The following ARHGAP15 variants were observed in gnomAD, a reference collection of about 807,000 sequenced individuals.
ARHGAP15 encodes Rho GTPase activating protein 15, also known as rho GTPase-activating protein 15.
ARHGAP15 carries 51 observed loss-of-function variants against 63.7 expected under a neutral mutation model. That is an observed-to-expected ratio of 0.80 (90% CI 0.64 to 1.01). ARHGAP15 has a LOEUF of 1.01. Ranked by LOEUF, ARHGAP15 falls within the 50% of genes least tolerant of loss-of-function variation. The pLI is 0.00. For synonymous variants in ARHGAP15, 191 were observed against 193.8 expected (o/e 0.99, Z 0.12); for missense variants, 560 against 564.6 (o/e 0.99, Z 0.08).
intron 8 of ARHGAP15, among the ~76,000 whole-genome samples, chr2:143,464,341 A>G (rs1300485374): frequency 1.3e-5 from 2 of 152,194 alleles, no homozygotes; most frequent in Admixed American, 6.6e-5. Flanking sequence ...ATAACTTGAT[A>G]GAAATAAAGA....
At chr2:143,358,759 T>A (rs1199737706) in intron 6 of ARHGAP15, among the ~76,000 whole-genome samples, 2 of 151,886 alleles carry the variant, frequency 1.3e-5, no homozygotes, top group East Asian at 3.9e-4. Flanking sequence ...TTGATTTTTC[T>A]ATATAGGATA....
intron 13 of ARHGAP15, 31 bp downstream of exon 13, chr2:143,703,555 T>C (rs756422036): frequency 1.5e-5 from 23 of 1,521,614 alleles, no homozygotes; most frequent in Non-Finnish European, 2.0e-5. Flanking sequence ...GATGTGTCAT[T>C]TTATAGTCAT....
At chr2:143,756,852 A>G (rs1686596508) in intron 13 of ARHGAP15, among the ~76,000 whole-genome samples, 2 of 152,168 alleles carry the variant, frequency 1.3e-5, no homozygotes, top group Non-Finnish European at 2.9e-5. Flanking sequence ...AAATCAAAAT[A>G]TGTCACCCAA....
At chr2:143,296,395 A>G (rs1682633536) in intron 6 of ARHGAP15, among the ~76,000 whole-genome samples, 2 of 152,074 alleles carry the variant, frequency 1.3e-5, no homozygotes, top group Admixed American at 6.6e-5. Flanking sequence ...TCATAAGCAT[A>G]TTGCTAGGTG....
chr2:143,281,288 A>T (rs1370628604), intron 6 of ARHGAP15, among the ~76,000 whole-genome samples: 1 of 152,182 alleles, frequency 6.6e-6, no homozygotes, highest in Non-Finnish European at 1.5e-5. Flanking sequence ...AAATATATAC[A>T]TAGGAAGGAC....
At chr2:143,724,051 ATGTGTGTGTG>A (rs70982882) in intron 13 of ARHGAP15, among the ~76,000 whole-genome samples, 2 of 149,858 alleles carry the variant, frequency 1.3e-5, no homozygotes, top group Admixed American at 1.3e-4. Context: ...ATCCACCTTC[ATGTGTGTGTG>A]TGTGTGTGTG....
intron 6 of ARHGAP15, among the ~76,000 whole-genome samples, chr2:143,362,620 A>C (rs1036404378): frequency 2.6e-5 from 4 of 152,234 alleles, no homozygotes; most frequent in African/African-American, 9.6e-5. Context: ...TGGATGTTTA[A>C]TATGCATCTT....
chr2:143,145,668 TGA>T (rs1344590637), intron 1 of ARHGAP15, among the ~76,000 whole-genome samples: 1 of 152,044 alleles, frequency 6.6e-6, no homozygotes, highest in Non-Finnish European at 1.5e-5. Flanking sequence ...ACCTAGATTG[TGA>T]CCACAGATCT....
chr2:143,252,484 T>C (rs1400286866), intron 6 of ARHGAP15, among the ~76,000 whole-genome samples: 1 of 152,074 alleles, frequency 6.6e-6, no homozygotes, highest in Non-Finnish European at 1.5e-5. Context: ...TAGTTTTGTT[T>C]GTAATGTAAT....
rs1298557114 is a variant in ARHGAP15 at position 143,407,322 on chromosome 2, T to A, written c.475-28279T>A. Among the ~76,000 whole-genome samples the A allele has an allele frequency of 2.0e-5, 3 of 151,866 alleles. No homozygotes were observed. In the East Asian group the frequency reaches 5.8e-4, roughly 29 times the overall value. On this transcript the variant is annotated intron_variant, in intron 6 of 13. Coordinates refer to ENST00000295095, the MANE Select transcript of ARHGAP15 (RefSeq NM_018460.4). ...TATAACCCATTCATATTTTTTAAGA[T>A]GAAGTGTTTAATATTTCTGTGATTT...
intron 11 of ARHGAP15, among the ~76,000 whole-genome samples, chr2:143,570,171 T>A (rs1696394548): frequency 6.6e-6 from 1 of 152,192 alleles, no homozygotes; most frequent in African/African-American, 2.4e-5. Context: ...AAGTAATCTA[T>A]TGTAATATAA....
chr2:143,311,959 CT>C (rs200224585), intron 6 of ARHGAP15, among the ~76,000 whole-genome samples: 5 of 151,910 alleles, frequency 3.3e-5, no homozygotes, highest in African/African-American at 9.7e-5. Flanking sequence ...GTGGGCCTTC[CT>C]TTTTTTTCCC....
At chr2:143,319,923 T>C (rs1683929210) in intron 6 of ARHGAP15, among the ~76,000 whole-genome samples, 1 of 152,188 alleles carries the variant, frequency 6.6e-6, no homozygotes, top group South Asian at 2.1e-4. Context: ...AAAATGTAAA[T>C]GGTCTTCAAC....
chr2:143,718,279 A>T (rs2105456486), intron 13 of ARHGAP15, among the ~76,000 whole-genome samples: 1 of 152,326 alleles, frequency 6.6e-6, no homozygotes, highest in Admixed American at 6.5e-5. Flanking sequence ...TTGAAGCAGT[A>T]CATAACTAGA....
At chr2:143,701,992 T>A (rs2105419406) in intron 12 of ARHGAP15, among the ~76,000 whole-genome samples, 1 of 152,302 alleles carries the variant, frequency 6.6e-6, no homozygotes, top group Non-Finnish European at 1.5e-5. Context: ...CCAGACTTGG[T>A]CCCATGGCCA....
At chr2:143,492,368 C>T (rs1180402035) in intron 9 of ARHGAP15, among the ~76,000 whole-genome samples, 1 of 152,160 alleles carries the variant, frequency 6.6e-6, no homozygotes, top group African/African-American at 2.4e-5. Context: ...CCTCTCATCT[C>T]CTCTGCCTCT....
At chr2:143,583,810 A>G (rs2105151083) in intron 11 of ARHGAP15, among the ~76,000 whole-genome samples, 1 of 152,306 alleles carries the variant, frequency 6.6e-6, no homozygotes, top group African/African-American at 2.4e-5. Context: ...TATTTGAACC[A>G]ATTACCAAAG....
chr2:143,413,517 A>G (rs982618437), intron 6 of ARHGAP15, among the ~76,000 whole-genome samples: 2 of 152,186 alleles, frequency 1.3e-5, no homozygotes, highest in Admixed American at 6.5e-5. Context: ...CAGACAGTCA[A>G]TCAATAACAG....
intron 12 of ARHGAP15, among the ~76,000 whole-genome samples, chr2:143,696,913 A>G (rs1026931224): frequency 2.6e-5 from 4 of 152,130 alleles, no homozygotes; most frequent in Admixed American, 2.6e-4. Context: ...CTCAGGTTGA[A>G]CTGTTTTGAC....
Sources: allele counts gnomAD v4.1 joint callset (sites outside exome capture counted in the v4.1 genomes callset), GRCh38; gene constraint gnomAD v4.1.1; transcripts MANE v1.5; gene names NCBI Gene and HGNC (gene_info 2026-07-23, HGNC 2026-07-21).